Variants in RBFOX3 observed in about 807,000 individuals in gnomAD.
RBFOX3 encodes RNA binding fox-1 homolog 3.
A neutral mutation model predicts 48.7 loss-of-function variants in RBFOX3; 17 were observed. The observed-to-expected ratio is 0.35, with a 90% CI of 0.24 to 0.52. RBFOX3 has a LOEUF of 0.52. RBFOX3 is among the 20% of genes least tolerant of loss of function. The pLI is 0.94. For missense variants in RBFOX3, 382 were observed against 497.5 expected, an observed-to-expected ratio of 0.77 and a Z score of 2.21; for synonymous variants, 212 against 209.5, an observed-to-expected ratio of 1.01 and a Z score of -0.10.
chr17:79,312,090 C>T (rs897942119), intron 2 of RBFOX3, among the ~76,000 whole-genome samples: 20 of 152,222 alleles, frequency 1.3e-4, no homozygotes, highest in Middle Eastern at 6.8e-3. Flanking sequence ...CAGTTAGCAG[C>T]GCTACCGTAC....
chr17:79,260,715 C>T (rs79478547), intron 3 of RBFOX3, among the ~76,000 whole-genome samples: 2,552 of 152,220 alleles, frequency 0.017, 70 homozygotes, highest in African/African-American at 0.058. Flanking sequence ...GATGGGAATC[C>T]GACGCCCCTC....
chr17:79,562,769 AC>A (rs1377182504), intron 1 of RBFOX3, among the ~76,000 whole-genome samples: 1 of 152,148 alleles, frequency 6.6e-6, no homozygotes, highest in Non-Finnish European at 1.5e-5. Context: ...CCTGCCACAT[AC>A]AACCTTCTCC....
At chr17:79,133,123 G>A (rs1392921470) in intron 4 of RBFOX3, among the ~76,000 whole-genome samples, 1 of 152,174 alleles carries the variant, frequency 6.6e-6, no homozygotes. Context: ...GGGAGGAGGG[G>A]GAGCTCATGG....
chr17:79,217,796 G>A (rs1360978463), intron 4 of RBFOX3, among the ~76,000 whole-genome samples: 1 of 152,092 alleles, frequency 6.6e-6, no homozygotes, highest in African/African-American at 2.4e-5. Flanking sequence ...TGTTTTTTTA[G>A]GTGGAACAAG....
chr17:79,342,241 C>A (rs867572310), intron 2 of RBFOX3, among the ~76,000 whole-genome samples: 6 of 152,372 alleles, frequency 3.9e-5, no homozygotes, highest in African/African-American at 1.4e-4. Context: ...TTAGACTTTG[C>A]GGCTTGTCAG....
chr17:79,335,091 C>A (rs927490171), intron 2 of RBFOX3, among the ~76,000 whole-genome samples: 1 of 152,258 alleles, frequency 6.6e-6, no homozygotes, highest in Non-Finnish European at 1.5e-5. Context: ...TCTGCCTCTG[C>A]ATCCAGGTGC....
At chr17:79,109,196 C>A (rs1439171952) in intron 5 of RBFOX3, among the ~76,000 whole-genome samples, 2 of 152,152 alleles carry the variant, frequency 1.3e-5, no homozygotes, top group Non-Finnish European at 2.9e-5. Context: ...GGGCATGAGC[C>A]CCCAGGCTTG....
Position 79,299,406 on chromosome 17 carries a change from A to AT in RBFOX3, c.-74+8317dup, listed in dbSNP as rs1274546734. Among the ~76,000 whole-genome samples, 1 of 152,216 alleles carries AT rather than the reference A, an allele frequency of 6.6e-6. No individual in the cohort carries two copies. The highest frequency in any genetic ancestry group is 2.4e-5 in the African/African-American group (1 of 41,452). ...ATTAAACCAACCACAGGTCAAAAGTATTAGAAAAATAAATAAAAATAATGA... is the reference window on the plus strand; with the variant it reads ...ATTAAACCAACCACAGGTCAAAAGTATTTAGAAAAATAAATAAAAATAATGA... On this transcript the variant is annotated intron_variant, in intron 3 of 14. Coordinates refer to ENST00000693108, the MANE Select transcript of RBFOX3 (RefSeq NM_001350451.2). The surrounding 1 kb of genome is among the most constrained non-coding windows in gnomAD (Gnocchi z 4.5).
At chr17:79,098,061 G>A (rs900099161) in intron 9 of RBFOX3, 2 of 362,778 alleles carry the variant, frequency 5.5e-6, no homozygotes, top group Non-Finnish European at 1.0e-5. Flanking sequence ...CCTCCCAGAA[G>A]AGAACTGGAG....
chr17:79,230,518 C>T (rs1215299463), intron 4 of RBFOX3, among the ~76,000 whole-genome samples: 2 of 151,990 alleles, frequency 1.3e-5, no homozygotes, highest in African/African-American at 2.4e-5. Flanking sequence ...CTCGGCCTCC[C>T]AAAGTGCTGG....
intron 1 of RBFOX3, among the ~76,000 whole-genome samples, chr17:79,609,449 G>A (rs2093918991): frequency 6.6e-6 from 1 of 152,232 alleles, no homozygotes; most frequent in South Asian, 2.1e-4. Flanking sequence ...GATCCCTTGG[G>A]TCTCTGTCCT....
intron 2 of RBFOX3, among the ~76,000 whole-genome samples, chr17:79,368,964 G>A (rs2058151746): frequency 6.6e-6 from 1 of 152,178 alleles, no homozygotes; most frequent in African/African-American, 2.4e-5. Context: ...CTTCACGAAG[G>A]CAGGAAAAGG....
rs1033527182 is a variant in RBFOX3, at chr17:79,173,670, G to A, written c.-33-57922C>T. 1.6e-4 allele frequency among the ~76,000 whole-genome samples: 25 copies of A among 152,306 alleles called. 3 individuals carry two copies. Among genetic ancestry groups the A allele is most frequent in the Admixed American group, 8.5e-4 (13 of 15,306 alleles). On this transcript the variant is annotated intron_variant, in intron 4 of 14. Coordinates refer to ENST00000693108, the MANE Select transcript of RBFOX3 (RefSeq NM_001350451.2). Reference sequence around the variant, plus strand: ...AGGTGGCTCTGACCCCATCCCGTCCGCTCACTGGGTGATGGGGCAGGGGGC... The same window carrying A: ...AGGTGGCTCTGACCCCATCCCGTCCACTCACTGGGTGATGGGGCAGGGGGC...
chr17:79,560,232 C>T (rs1181535587), intron 1 of RBFOX3, among the ~76,000 whole-genome samples: 6 of 151,976 alleles, frequency 3.9e-5, no homozygotes, highest in Non-Finnish European at 7.4e-5. Context: ...GGGTGGTCAC[C>T]GAGCCAGAGC....
chr17:79,112,754 C>T (rs763263182), intron 5 of RBFOX3, among the ~76,000 whole-genome samples: 1 of 152,068 alleles, frequency 6.6e-6, no homozygotes, highest in Non-Finnish European at 1.5e-5. Flanking sequence ...GCCACACCAA[C>T]TGCCAGGGCA....
intron 5 of RBFOX3, among the ~76,000 whole-genome samples, chr17:79,108,738 G>A (rs567848663): frequency 6.6e-6 from 1 of 152,370 alleles, no homozygotes; most frequent in African/African-American, 2.4e-5. Context: ...CTCTGACCAG[G>A]CTCCAGGGCA....
intron 4 of RBFOX3, among the ~76,000 whole-genome samples, chr17:79,129,470 C>T (rs2038229201): frequency 1.9e-5 from 2 of 103,758 alleles, no homozygotes; most frequent in African/African-American, 6.5e-5. Flanking sequence ...GGACAACGCT[C>T]TCTCCTTCCC....
intron 2 of RBFOX3, among the ~76,000 whole-genome samples, chr17:79,369,860 C>T (rs958320606): frequency 6.6e-6 from 1 of 152,192 alleles, no homozygotes; most frequent in Non-Finnish European, 1.5e-5. Flanking sequence ...CCCTCCTGTC[C>T]CCTCTTTCCC....
intron 5 of RBFOX3, among the ~76,000 whole-genome samples, chr17:79,115,084 G>A (rs1015859233): frequency 1.3e-5 from 2 of 152,236 alleles, no homozygotes; most frequent in Non-Finnish European, 1.5e-5. Flanking sequence ...CCACCTCCAC[G>A]GCTCTGCCTC....
Sources: allele counts gnomAD v4.1 joint callset (sites outside exome capture counted in the v4.1 genomes callset), GRCh38; gene constraint gnomAD v4.1.1; non-coding constraint Gnocchi (gnomAD v3.1); transcripts MANE v1.5; gene names NCBI Gene and HGNC (gene_info 2026-07-23, HGNC 2026-07-21).